The following CLASP2 variants were observed in gnomAD, a reference collection of about 807,000 sequenced individuals.
The protein encoded by CLASP2 is CLIP-associating protein 2.
CLASP2 carries 47 observed loss-of-function variants against 194.4 expected under a neutral mutation model. The ratio of observed to expected loss-of-function variants is 0.24; its 90% CI spans 0.19 to 0.31. The LOEUF (loss-of-function observed/expected upper bound fraction) is 0.31. Among genes scored for constraint, CLASP2 ranks in the 10% least tolerant of loss-of-function variants. The pLI, the probability that CLASP2 is intolerant of heterozygous loss-of-function variation, is 1.00. For missense variants in CLASP2, 1,445 were observed against 1,823.6 expected (o/e 0.79, Z 3.78); for synonymous variants, 619 against 633.5 (o/e 0.98, Z 0.34).
chr3:33,717,826 C>T lies in CLASP2; in HGVS notation c.177G>A (p.Val59=), dbSNP rs1323959729. 6.4e-7 allele frequency: 1 copy of T among 1,560,780 alleles called. No individual in the cohort carries two copies. The highest frequency in any genetic ancestry group is 1.2e-5 in the South Asian group (1 of 84,748). The change falls in exon 1 of 39, where the codon GTG becomes GTA. Residue 59 remains valine (V), a synonymous_variant. Coordinates refer to ENST00000682230, the MANE Select transcript of CLASP2 (RefSeq NM_001365631.1). ...CGCTTACCCGGTAGTTGCTCGAACC[C>T]ACCCAGCCGGTGAGCGCGTCGACTG... The part of the protein sequence containing the change: ...GKTVDALTGW[V]GSSNYRVSLM...
intron 6 of CLASP2, among the ~76,000 whole-genome samples, chr3:33,666,101 C>G (rs2086127229): frequency 6.6e-6 from 1 of 152,100 alleles, no homozygotes. Flanking sequence ...AACCAAAGTC[C>G]AGACTTAAAA....
chr3:33,517,202 A>C (rs943607582), intron 34 of CLASP2, 28 bp from the exon 35 acceptor site: 1 of 1,560,006 alleles, frequency 6.4e-7, no homozygotes, highest in Admixed American at 1.9e-5. Context: ...TATTAGTTCT[A>C]TAACTTTATA....
At chr3:33,546,508 A>G (rs2059171862) in intron 30 of CLASP2, among the ~76,000 whole-genome samples, 1 of 152,226 alleles carries the variant, frequency 6.6e-6, no homozygotes, top group Non-Finnish European at 1.5e-5. Context: ...ACATACATAC[A>G]GATTTTAAAA....
intron 12 of CLASP2, among the ~76,000 whole-genome samples, chr3:33,617,934 T>A (rs34469409): frequency 0.26 from 33,616 of 128,410 alleles, 5,000 homozygotes; most frequent in South Asian, 0.42. Context: ...TTATTATTAT[T>A]ATATATATAT....
chr3:33,620,771 C>T (rs2076971214), intron 11 of CLASP2, among the ~76,000 whole-genome samples: 1 of 152,102 alleles, frequency 6.6e-6, no homozygotes, highest in South Asian at 2.1e-4. Flanking sequence ...TATGCAATGG[C>T]CTTTCTGGGG....
chr3:33,607,673 AATT>A (rs2154261402), intron 14 of CLASP2, among the ~76,000 whole-genome samples: 1 of 152,296 alleles, frequency 6.6e-6, no homozygotes, highest in African/African-American at 2.4e-5. Context: ...CTGACAATCC[AATT>A]ATTATAAATC....
chr3:33,629,186 C>A (rs2078606404), intron 9 of CLASP2, among the ~76,000 whole-genome samples: 2 of 151,914 alleles, frequency 1.3e-5, no homozygotes, highest in African/African-American at 2.4e-5. Context: ...ACTGTGAGGG[C>A]CAAAATAAAA....
At chr3:33,581,223 A>G (rs1247683986) in intron 23 of CLASP2, among the ~76,000 whole-genome samples, 1 of 152,178 alleles carries the variant, frequency 6.6e-6, no homozygotes, top group African/African-American at 2.4e-5. Flanking sequence ...ATATTTTTAT[A>G]ATTGAGGTAA....
At position 33,689,873 on chromosome 3, in the gene CLASP2, G is replaced by T; in HGVS notation, c.334C>A (p.Gln112Lys). The T allele has an allele frequency of 6.3e-7, 1 of 1,599,922 alleles. No homozygotes were observed. ...TCCATTAACTTCAATATCAGAGTCT[G>T]AGCTTCATCTCGAACCTTGTCTTTG... ...DAKDKVRDEA[Q>K]TLILKLMDQV... Residue 112 changes from glutamine to lysine, a missense_variant, in exon 3 of 39, where the codon CAG (glutamine) becomes AAG (lysine). By Grantham distance (53) the Gln-to-Lys change is moderately conservative. Transcript: ENST00000682230.
intron 6 of CLASP2, among the ~76,000 whole-genome samples, chr3:33,674,696 T>A (rs1292001983): frequency 6.6e-6 from 1 of 151,566 alleles, no homozygotes; most frequent in African/African-American, 2.4e-5. Context: ...CTAGCAAGAC[T>A]AATAAAGAAA....
At chr3:33,684,863 A>G (rs1252752363) in intron 5 of CLASP2, among the ~76,000 whole-genome samples, 2 of 151,896 alleles carry the variant, frequency 1.3e-5, no homozygotes, top group African/African-American at 4.8e-5. Context: ...TTAGCTGGGC[A>G]TGGTGGCATG....
intron 37 of CLASP2, among the ~76,000 whole-genome samples, chr3:33,505,699 C>T (rs2047991583): frequency 6.6e-6 from 1 of 152,170 alleles, no homozygotes; most frequent in South Asian, 2.1e-4. Flanking sequence ...ACTGATCAAT[C>T]TTAACATCAC....
intron 32 of CLASP2, among the ~76,000 whole-genome samples, chr3:33,540,430 T>C (rs545851794): frequency 6.6e-6 from 1 of 151,938 alleles, no homozygotes; most frequent in Non-Finnish European, 1.5e-5. Flanking sequence ...TTTGTAGAGA[T>C]GGGGTCTCAA....
intron 6 of CLASP2, among the ~76,000 whole-genome samples, chr3:33,677,793 A>G (rs556594584): frequency 6.6e-6 from 1 of 151,024 alleles, no homozygotes; most frequent in Non-Finnish European, 1.5e-5. Context: ...TTATAAAATA[A>G]AAAATTTATC....
At chr3:33,700,364 T>C (rs1575683288) in intron 1 of CLASP2, among the ~76,000 whole-genome samples, 2 of 151,776 alleles carry the variant, frequency 1.3e-5, no homozygotes, top group South Asian at 4.2e-4. Flanking sequence ...AAGGCAGAGG[T>C]TGCAGTGAGC....
intron 1 of CLASP2, among the ~76,000 whole-genome samples, chr3:33,698,921 A>G (rs2092166923): frequency 6.6e-6 from 1 of 152,226 alleles, no homozygotes; most frequent in Non-Finnish European, 1.5e-5. Context: ...GAAAGCTGGA[A>G]TTATCAGACC....
rs2048189726 is a variant in CLASP2, at chr3:33,506,377, C to CAAAAAAAAA, written c.4317+4180_4317+4181insTTTTTTTTT. On this transcript the variant is annotated intron_variant, in intron 37 of 38. Transcript: ENST00000682230. ...TGGGTGACAGAGTGAGACTCTGTCT[C>CAAAAAAAAA]GAAAAAAAAAAAAAAAAAAAAAAAA... Among the ~76,000 whole-genome samples the CAAAAAAAAA allele has an allele frequency of 4.0e-4, 25 of 61,878 alleles. 7 individuals are homozygous for CAAAAAAAAA. Among genetic ancestry groups the CAAAAAAAAA allele is most frequent in the Admixed American group, 3.0e-3 (11 of 3,682 alleles). 40.6% of individuals were successfully genotyped at this position (61,878 alleles called of 152,430 possible).
At chr3:33,716,279 C>T (rs2093295653) in intron 1 of CLASP2, among the ~76,000 whole-genome samples, 1 of 152,160 alleles carries the variant, frequency 6.6e-6, no homozygotes, top group Non-Finnish European at 1.5e-5. Context: ...CAGAAAAGAA[C>T]CCGGATGAGA....
intron 34 of CLASP2, among the ~76,000 whole-genome samples, chr3:33,520,630 G>A (rs1245293908): frequency 6.6e-6 from 1 of 152,124 alleles, no homozygotes; most frequent in Non-Finnish European, 1.5e-5. Context: ...TAATAGCAGA[G>A]ATAGCAGAAA....
Sources: allele counts gnomAD v4.1 joint callset (sites outside exome capture counted in the v4.1 genomes callset), GRCh38; gene constraint gnomAD v4.1.1; transcripts MANE v1.5; gene names NCBI Gene and HGNC (gene_info 2026-07-23, HGNC 2026-07-21).